The following TPR variants were observed in gnomAD, a reference collection of about 807,000 sequenced individuals.
The protein encoded by TPR is translocated promoter region, nuclear basket protein, also known as nucleoprotein TPR.
TPR carries 51 observed loss-of-function variants against 316.1 expected under a neutral mutation model. That is an observed-to-expected ratio of 0.16 (90% confidence interval 0.13 to 0.20). TPR has a LOEUF of 0.20. Among genes scored for constraint, TPR ranks in the 10% least tolerant of loss-of-function variants. TPR has a pLI of 1.00. For missense variants in TPR, 2,272 were observed against 2,754.8 expected, an observed-to-expected ratio of 0.82 and a Z score of 3.92; for synonymous variants, 981 against 914.7, an observed-to-expected ratio of 1.07 and a Z score of -1.31.
chr1:186,327,024 T>A (rs1234685098), intron 40 of TPR, among the ~76,000 whole-genome samples: 4 of 79,040 alleles, frequency 5.1e-5, no homozygotes, highest in African/African-American at 1.5e-4. Flanking sequence ...ATATATATAT[T>A]ATATATATAA....
chr1:186,360,509 T>A (rs1659153763), intron 10 of TPR, 145 bp from the exon 11 acceptor site: 1 of 951,936 alleles, frequency 1.1e-6, no homozygotes, highest in Non-Finnish European at 1.5e-6. Context: ...AAAAGTCATG[T>A]AACACATCTA....
At chr1:186,324,022 G>A in intron 42 of TPR, 152 bp from the exon 43 acceptor site, 1 of 751,280 alleles carries the variant, frequency 1.3e-6, no homozygotes, top group Non-Finnish European at 2.0e-6. Context: ...AGCAAATGTG[G>A]GTTTTACACC....
At chr1:186,322,190 A>T in intron 45 of TPR, 128 bp downstream of exon 45, 1 of 838,466 alleles carries the variant, frequency 1.2e-6, no homozygotes, top group Non-Finnish European at 1.9e-6. Context: ...GACCTACCCC[A>T]AGTACTTATT....
rs1175029060 is a variant in TPR, at chr1:186,353,990, A to G, written c.2172-140T>C. ...CTAATCCTAATGTAACATCATACATATTTCTGTTAAGTTGAATTCTGCTTA... is the reference window on the plus strand; with the variant it reads ...CTAATCCTAATGTAACATCATACATGTTTCTGTTAAGTTGAATTCTGCTTA... On this transcript the variant is annotated intron_variant, in intron 17 of 50. Coordinates refer to ENST00000367478, the MANE Select transcript of TPR (RefSeq NM_003292.3). The G allele has an allele frequency of 1.1e-5, 7 of 659,286 alleles. No individual in the cohort carries two copies. The East Asian group carries it at 1.7e-4, about 16-fold the overall frequency. The allele number at this position is 659,286 out of a possible 1,614,324, so 40.8% of individuals were successfully genotyped here.
intron 43 of TPR, among the ~76,000 whole-genome samples, chr1:186,323,165 C>T (rs1657817389): frequency 6.6e-6 from 1 of 152,046 alleles, no homozygotes; most frequent in Non-Finnish European, 1.5e-5. Flanking sequence ...TACTCTTTTT[C>T]CAAGTGCTTC....
intron 48 of TPR, 133 bp downstream of exon 48, chr1:186,318,314 C>A (rs1463762632): frequency 4.3e-6 from 5 of 1,168,034 alleles, no homozygotes; most frequent in Non-Finnish European, 5.9e-6. Context: ...GGCGACAGAG[C>A]GAGACTCTGT....
chr1:186,316,893 A>T (rs942637025), intron 49 of TPR, among the ~76,000 whole-genome samples: 2 of 152,260 alleles, frequency 1.3e-5, no homozygotes, highest in African/African-American at 2.4e-5. Flanking sequence ...TCTAAAAAAT[A>T]ACTTCTATTA....
At chr1:186,335,569 T>C in intron 33 of TPR, 26 bp from the exon 34 acceptor site, 2 of 1,516,124 alleles carry the variant, frequency 1.3e-6, no homozygotes, top group Non-Finnish European at 8.9e-7. Context: ...GGCGATTATA[T>C]TAATATTATA....
chr1:186,335,277 A>T, intron 34 of TPR, 61 bp downstream of exon 34: 1 of 1,588,588 alleles, frequency 6.3e-7, no homozygotes, highest in South Asian at 1.1e-5. Context: ...ATCACCAAGC[A>T]CTTTCAAGTA....
intron 20 of TPR, 129 bp downstream of exon 20, chr1:186,351,201 G>A: frequency 9.3e-7 from 1 of 1,078,698 alleles, no homozygotes; most frequent in East Asian, 2.8e-5. Flanking sequence ...GGTATAGAGT[G>A]AGGCAAGAAA....
chr1:186,348,956 G>A (rs1450597719), intron 21 of TPR, among the ~76,000 whole-genome samples: 1 of 152,012 alleles, frequency 6.6e-6, no homozygotes, highest in Non-Finnish European at 1.5e-5. Context: ...TTATTTATAT[G>A]GATCAGATAT....
chr1:186,362,708 G>T lies in TPR; in HGVS notation c.696+129C>A. 5 of 815,084 alleles carry T rather than the reference G, an allele frequency of 6.1e-6. No homozygotes were observed. The Admixed American group carries it at 9.8e-5, about 16-fold the overall frequency. The allele number at this position is 815,084 out of a possible 1,614,324, so 50.5% of individuals were successfully genotyped here. ...GTTGATTTTTTACGCCAAATGTAAT[G>T]CATTATTCACATTTAACCACTCATC... On this transcript the variant is annotated intron_variant, in intron 6 of 50. Transcript: ENST00000367478.
intron 1 of TPR, among the ~76,000 whole-genome samples, chr1:186,373,701 C>T (rs1375479275): frequency 6.6e-6 from 1 of 152,086 alleles, no homozygotes; most frequent in Non-Finnish European, 1.5e-5. Context: ...CTAAAAGGGG[C>T]TTTACAAATC....
Position 186,350,348 on chromosome 1 carries a change from G to A in TPR, c.2651C>T (p.Thr884Ile), listed in dbSNP as rs1261372769. The A allele has an allele frequency of 6.2e-7, 1 of 1,611,948 alleles. No homozygotes were observed. The highest frequency in any genetic ancestry group is 2.2e-5 in the East Asian group (1 of 44,762). The change falls in exon 21 of 51, where the codon ACA becomes ATA. Residue 884 changes from threonine to isoleucine, a missense_variant. By Grantham distance (89) the Thr-to-Ile change is moderately conservative (BLOSUM62 -1). Transcript: ENST00000367478. ...LDTKRQLDTE[T>I]NLHLNTKELL... ...TTCTTTTGTGTTAAGATGAAGATTT[G>A]TCTCTGTATCCAGTTGTCTCTTTGT...
chr1:186,314,898 G>GT (rs1280932347), intron 49 of TPR, among the ~76,000 whole-genome samples, 174 bp from the exon 50 acceptor site: 1 of 151,948 alleles, frequency 6.6e-6, no homozygotes, highest in Non-Finnish European at 1.5e-5. Flanking sequence ...AGGGTAAATG[G>GT]TTAAACAACA....
chr1:186,320,506 A>C, intron 45 of TPR, 88 bp from the exon 46 acceptor site: 1 of 1,072,218 alleles, frequency 9.3e-7, no homozygotes, highest in Non-Finnish European at 1.3e-6. Flanking sequence ...AGAAGGAAGA[A>C]TGAACATCAA....
At position 186,353,772 on chromosome 1, in the gene TPR, A is replaced by G; in HGVS notation, c.2250T>C (p.Thr750=). Reference sequence around the variant, plus strand: ...TCTGTTCTTGCTTTTGAGTTGTGGCAGTGAGTTTCTGATTTCTCTCATGAA... The same window carrying G: ...TCTGTTCTTGCTTTTGAGTTGTGGCGGTGAGTTTCTGATTTCTCTCATGAA... ...TSLHERNQKL[T]ATTQKQEQII... is the part of the protein sequence containing the mutation. The change falls in exon 18 of 51, where the codon ACT becomes ACC. Residue 750 remains threonine, a synonymous_variant. Coordinates refer to ENST00000367478, the MANE Select transcript of TPR (RefSeq NM_003292.3). 1 of 1,614,132 alleles carries G rather than the reference A, an allele frequency of 6.2e-7. No individual in the cohort carries two copies. Among genetic ancestry groups the G allele is most frequent in the Non-Finnish European group, 8.5e-7 (1 of 1,180,008 alleles).
intron 10 of TPR, 142 bp downstream of exon 10, chr1:186,360,623 T>G: frequency 8.5e-7 from 1 of 1,174,946 alleles, no homozygotes; most frequent in South Asian, 1.5e-5. Context: ...AGTATTAATT[T>G]TAAAACAAAT....
At chr1:186,314,485 A>G in intron 50 of TPR, 144 bp downstream of exon 50, 1 of 537,756 alleles carries the variant, frequency 1.9e-6, no homozygotes, top group Non-Finnish European at 3.2e-6. Flanking sequence ...ACAGATTGGT[A>G]AATATCACCT....
Sources: gnomAD v4.1 joint callset for allele counts (sites outside exome capture counted in the v4.1 genomes callset) on GRCh38, gnomAD v4.1.1 for gene constraint, MANE v1.5 for transcripts, NCBI Gene and HGNC (gene_info 2026-07-23, HGNC 2026-07-21) for gene names.